The following LEPR variants were observed in gnomAD, a reference collection of about 807,000 sequenced individuals.
The protein encoded by LEPR is OB receptor.
In LEPR, 56 loss-of-function variants were observed where a neutral mutation model predicts 114.7. The ratio of observed to expected loss-of-function variants is 0.49; its 90% confidence interval spans 0.39 to 0.61. LEPR has a LOEUF of 0.61. LEPR is among the 20% of genes least tolerant of loss of function. The pLI, the probability that LEPR is intolerant of heterozygous loss-of-function variation, is 0.00. For synonymous variants in LEPR, 443 were observed against 461.4 expected (o/e 0.96, Z 0.51); for missense variants, 1,202 against 1,352.9 (o/e 0.89, Z 1.75).
At chr1:65,518,915 TTCTC>T (rs151080008) in intron 2 of LEPR, among the ~76,000 whole-genome samples, 4 of 81,186 alleles carry the variant, frequency 4.9e-5, no homozygotes, top group South Asian at 3.6e-4. Context: ...CTTTCTTTCT[TTCTC>T]TCTTTCTCTG....
At chr1:65,601,816 A>G (rs1369624999) in intron 9 of LEPR, 27 bp from the exon 10 acceptor site, 3 of 1,593,076 alleles carry the variant, frequency 1.9e-6, no homozygotes, top group Non-Finnish European at 2.6e-6. Context: ...TTTGCTTTAT[A>G]TTAATATTTT....
intron 2 of LEPR, chr1:65,436,149 C>A: frequency 1.2e-6 from 1 of 814,300 alleles, no homozygotes; most frequent in Non-Finnish European, 1.5e-6. Context: ...CAGTTTGAAG[C>A]CTGTACTTGC....
chr1:65,516,755 A>G (rs1649308522), intron 2 of LEPR, among the ~76,000 whole-genome samples: 1 of 152,212 alleles, frequency 6.6e-6, no homozygotes, highest in African/African-American at 2.4e-5. Flanking sequence ...TTTTATTGCT[A>G]TTAATTGTAT....
At chr1:65,583,937 T>C (rs761450775) in intron 5 of LEPR, among the ~76,000 whole-genome samples, 4 of 152,126 alleles carry the variant, frequency 2.6e-5, no homozygotes, top group Non-Finnish European at 5.9e-5. Flanking sequence ...TTTTTAAAGA[T>C]GCAAAATGCA....
chr1:65,461,137 G>C (rs1646940301), intron 2 of LEPR, among the ~76,000 whole-genome samples: 1 of 151,812 alleles, frequency 6.6e-6, no homozygotes, highest in Admixed American at 6.6e-5. Flanking sequence ...CACCATGCCT[G>C]CCAAATTTTG....
chr1:65,454,604 A>T (rs1322645713), intron 2 of LEPR, among the ~76,000 whole-genome samples: 3 of 152,148 alleles, frequency 2.0e-5, no homozygotes, highest in Non-Finnish European at 4.4e-5. Flanking sequence ...AATGTTGAAT[A>T]TTGGCCCCCA....
At chr1:65,469,225 G>A (rs984244839) in intron 2 of LEPR, among the ~76,000 whole-genome samples, 1 of 152,180 alleles carries the variant, frequency 6.6e-6, no homozygotes, top group African/African-American at 2.4e-5. Context: ...TCTGTGTGGT[G>A]TAGAGCATGG....
intron 2 of LEPR, among the ~76,000 whole-genome samples, chr1:65,554,352 G>T (rs1652656081): frequency 6.6e-6 from 1 of 152,106 alleles, no homozygotes; most frequent in African/African-American, 2.4e-5. Flanking sequence ...CAGGGAGATG[G>T]GAGTTTTATC....
At chr1:65,572,158 A>G (rs866410201) in intron 4 of LEPR, among the ~76,000 whole-genome samples, 168 bp from the exon 5 acceptor site, 1 of 151,854 alleles carries the variant, frequency 6.6e-6, no homozygotes, top group African/African-American at 2.4e-5. Flanking sequence ...GGGCAAACGC[A>G]TGCCACTAGT....
At chr1:65,479,265 C>T (rs1330699080) in intron 2 of LEPR, among the ~76,000 whole-genome samples, 1 of 142,746 alleles carries the variant, frequency 7.0e-6, no homozygotes, top group African/African-American at 2.9e-5. Flanking sequence ...TAGTACAGGA[C>T]ATATTTTTTT....
chr1:65,605,077 C>T lies in LEPR; in HGVS notation c.1443C>T (p.Pro481=), dbSNP rs953140668. 1 of 1,613,934 alleles carries T rather than the reference C, an allele frequency of 6.2e-7. No individual in the cohort carries two copies. Among genetic ancestry groups the T allele is most frequent in the Non-Finnish European group, 8.5e-7 (1 of 1,180,008 alleles). The part of the protein sequence containing the change: ...LYCSDIPSIH[P]ISEPKDCYLQ... The stretch of plus-strand genomic sequence containing the variant: ...GTTCTGATATTCCATCTATTCATCC[C>T]ATATCTGAGCCCAAAGATTGCTATT... The change falls in exon 11 of 20, where the codon CCC becomes CCT. Residue 481 remains proline (P), a synonymous_variant. Transcript: ENST00000349533.
intron 19 of LEPR, chr1:65,635,177 G>A: frequency 6.3e-6 from 6 of 956,962 alleles, no homozygotes; most frequent in Non-Finnish European, 7.5e-6. Flanking sequence ...AATTCTATTA[G>A]TTTAAAAATT....
intron 1 of LEPR, among the ~76,000 whole-genome samples, chr1:65,423,418 C>T (rs1646292814): frequency 6.6e-6 from 1 of 152,022 alleles, no homozygotes; most frequent in African/African-American, 2.4e-5. Context: ...TGGTTGTGAA[C>T]GTTGAGAAAC....
At chr1:65,441,270 T>C (rs1001755262) in intron 2 of LEPR, among the ~76,000 whole-genome samples, 3 of 151,920 alleles carry the variant, frequency 2.0e-5, no homozygotes, top group Admixed American at 6.6e-5. Flanking sequence ...GGCCTGCAGA[T>C]GAGGATGTTA....
rs1384176966 is a variant in LEPR at position 65,619,922 on chromosome 1, C to T, written c.2396-6C>T. ...AAATGAGCCTTTTACGTATTTTTCTCCTCAGATCATTTTATCCCCATTGAG... is the reference window on the plus strand; with the variant it reads ...AAATGAGCCTTTTACGTATTTTTCTTCTCAGATCATTTTATCCCCATTGAG... On this transcript the variant is annotated splice_polypyrimidine_tract_variant and splice_region_variant and intron_variant, in intron 16 of 19. Coordinates refer to ENST00000349533, the MANE Select transcript of LEPR (RefSeq NM_002303.6). 1.9e-6 allele frequency: 3 copies of T among 1,608,492 alleles called. No individual in the cohort carries two copies. The highest frequency in any genetic ancestry group is 4.5e-5 in the East Asian group (2 of 44,656).
intron 2 of LEPR, among the ~76,000 whole-genome samples, chr1:65,551,887 G>C (rs538603281): frequency 6.6e-6 from 1 of 152,260 alleles, no homozygotes; most frequent in South Asian, 2.1e-4. Flanking sequence ...ATATGTCCCA[G>C]AGATTCTGGT....
intron 2 of LEPR, among the ~76,000 whole-genome samples, chr1:65,506,861 T>C (rs1176119624): frequency 2.6e-5 from 4 of 152,186 alleles, no homozygotes; most frequent in Admixed American, 2.0e-4. Context: ...GCAGTCAGTA[T>C]GCTGTCCAAT....
At chr1:65,468,533 A>G (rs1647043817) in intron 2 of LEPR, among the ~76,000 whole-genome samples, 1 of 152,192 alleles carries the variant, frequency 6.6e-6, no homozygotes, top group Non-Finnish European at 1.5e-5. Context: ...GTAACCTTGG[A>G]AAAAAGAGAG....
intron 2 of LEPR, among the ~76,000 whole-genome samples, chr1:65,556,861 G>C (rs946020903): frequency 6.6e-6 from 1 of 152,152 alleles, no homozygotes; most frequent in Non-Finnish European, 1.5e-5. Flanking sequence ...GGAGAGGGCT[G>C]TAGTGCTTTG....
Sources: allele counts gnomAD v4.1 joint callset (sites outside exome capture counted in the v4.1 genomes callset), GRCh38; gene constraint gnomAD v4.1.1; transcripts MANE v1.5; gene names NCBI Gene and HGNC (gene_info 2026-07-23, HGNC 2026-07-21).